The following ZNF431 variants were observed in gnomAD, a reference collection of about 807,000 sequenced individuals.
The protein encoded by ZNF431 is zinc finger protein 431.
Under a neutral mutation model 57.0 loss-of-function variants are expected in ZNF431, and 34 were observed. That is an observed-to-expected ratio of 0.60 (90% CI 0.45 to 0.79). The LOEUF is 0.79. ZNF431 is among the 30% of genes least tolerant of loss of function. The pLI, the probability that ZNF431 is intolerant of heterozygous loss-of-function variation, is 0.00. For synonymous variants in ZNF431, 207 were observed against 220.3 expected, an observed-to-expected ratio of 0.94 and a Z score of 0.54; for missense variants, 607 against 667.1, an observed-to-expected ratio of 0.91 and a Z score of 0.99.
intron 2 of ZNF431, among the ~76,000 whole-genome samples, chr19:21,145,740 G>A (rs574012200): frequency 1.6e-4 from 24 of 152,260 alleles, no homozygotes; most frequent in South Asian, 4.1e-4. Context: ...AAAAAATTCC[G>A]AAAGAGTATT....
rs1971596080 is a variant in ZNF431, at chr19:21,195,837, G to A, written c.*11803G>A. 1 of 152,146 alleles carries A rather than the reference G, an allele frequency of 6.6e-6. No individual in the cohort carries two copies. Among genetic ancestry groups the A allele is most frequent in the Admixed American group, 6.5e-5 (1 of 15,270 alleles). The allele number at this position is 152,146 out of a possible 1,614,324, so 9.4% of individuals were successfully genotyped here. A position where few individuals can be genotyped will look rare whatever the true frequency, so the allele number is the denominator to read the frequency against. On this transcript the variant is annotated 3_prime_UTR_variant, in exon 5 of 5. Transcript: ENST00000311048. Reference sequence around the variant, plus strand: ...TGTGTGATACATCTTTGGATAATCTGTAATTAAATTGATCTTTTGTAATGG... The same window carrying A: ...TGTGTGATACATCTTTGGATAATCTATAATTAAATTGATCTTTTGTAATGG...
rs550012306 is a variant in ZNF431, at chr19:21,171,712, ATTTTTTTTTTTT to A, written c.319+4062_319+4073del. Reference sequence around the variant, plus strand: ...TCTAATGATGAATATATATATATATATTTTTTTTTTTTTTTTTTTTTTTTTTTAGACAGAGTC... The same window carrying A: ...TCTAATGATGAATATATATATATATATTTTTTTTTTTTTTTAGACAGAGTC... On this transcript the variant is annotated intron_variant, in intron 4 of 4. Coordinates refer to ENST00000311048, the MANE Select transcript of ZNF431 (RefSeq NM_133473.4). Among the ~76,000 whole-genome samples, 3 of 90,908 alleles carry A rather than the reference ATTTTTTTTTTTT, an allele frequency of 3.3e-5. No homozygotes were observed. The South Asian group carries it at 1.0e-3, about 31-fold the overall frequency. The allele number at this position is 90,908 out of a possible 152,430, so 59.6% of individuals were successfully genotyped here. A position where few individuals can be genotyped will look rare whatever the true frequency, so the allele number is the denominator to read the frequency against.
intron 4 of ZNF431, among the ~76,000 whole-genome samples, chr19:21,173,123 T>G (rs1488629696): frequency 2.0e-5 from 3 of 152,242 alleles, no homozygotes; most frequent in Non-Finnish European, 4.4e-5. Flanking sequence ...TGAAAACATT[T>G]GATCTTTGAT....
rs993189286 is a variant in ZNF431 at position 21,183,384 on chromosome 19, AAACAT to A, written c.1084_1088del (p.His362AspfsTer12). On this transcript the variant is annotated frameshift_variant, in exon 5 of 5. Coordinates refer to ENST00000311048, the MANE Select transcript of ZNF431 (RefSeq NM_133473.4). LOFTEE classifies it high-confidence loss of function. The stretch of plus-strand genomic sequence containing the variant: ...TTTTAATCGATTCTCATACCTTACT[AAACAT>A]AAGATAATTCATACTGGAGAAAAAT... 1.9e-6 allele frequency: 3 copies of A among 1,613,520 alleles called. No homozygotes were observed. Among genetic ancestry groups the A allele is most frequent in the Non-Finnish European group, 2.5e-6 (3 of 1,179,754 alleles).
chr19:21,154,884 A>G lies in ZNF431; in HGVS notation c.96+11241A>G, dbSNP rs185756425. On this transcript the variant is annotated intron_variant, in intron 2 of 4. Coordinates refer to ENST00000311048, the MANE Select transcript of ZNF431 (RefSeq NM_133473.4). ...ATGGGGTTGTTTGTTTTTTTCTTAT[A>G]AATTTGTCTGAGTTCATTGCTGATT... Among the ~76,000 whole-genome samples, 3 of 152,092 alleles carry G rather than the reference A, an allele frequency of 2.0e-5. No homozygotes were observed. The East Asian group carries it at 5.8e-4, about 29-fold the overall frequency.
chr19:21,191,989 A>G lies in ZNF431; in HGVS notation c.*7955A>G, dbSNP rs1270103211. On this transcript the variant is annotated 3_prime_UTR_variant, in exon 5 of 5. Coordinates refer to ENST00000311048, the MANE Select transcript of ZNF431 (RefSeq NM_133473.4). ...ATGTCAGTTCATGAATAGTCCATTTATGTATTAATTTCTATTTAGAATGTA... is the reference window on the plus strand; with the variant it reads ...ATGTCAGTTCATGAATAGTCCATTTGTGTATTAATTTCTATTTAGAATGTA... 1 of 152,162 alleles carries G rather than the reference A, an allele frequency of 6.6e-6. No individual in the cohort carries two copies. The highest frequency in any genetic ancestry group is 2.1e-4 in the South Asian group (1 of 4,828). The allele number at this position is 152,162 out of a possible 1,614,324, so 9.4% of individuals were successfully genotyped here. A position where few individuals can be genotyped will look rare whatever the true frequency, so the allele number is the denominator to read the frequency against.
chr19:21,159,834 T>G (rs1970523622), intron 2 of ZNF431, among the ~76,000 whole-genome samples: 1 of 152,212 alleles, frequency 6.6e-6, no homozygotes, highest in Admixed American at 6.5e-5. Context: ...TATTACTAAT[T>G]CAATTTTGGA....
intron 2 of ZNF431, among the ~76,000 whole-genome samples, chr19:21,160,968 G>A (rs998653023): frequency 2.0e-5 from 3 of 152,122 alleles, no homozygotes; most frequent in Non-Finnish European, 4.4e-5. Flanking sequence ...AAAACATCAA[G>A]ACTATCCTGG....
intron 4 of ZNF431, among the ~76,000 whole-genome samples, chr19:21,175,176 G>A (rs1971016051): frequency 6.6e-6 from 1 of 152,102 alleles, no homozygotes; most frequent in African/African-American, 2.4e-5. Context: ...TCAGTTTCTT[G>A]AGTAACTGGG....
intron 2 of ZNF431, chr19:21,150,025 A>G: frequency 1.7e-6 from 1 of 592,434 alleles, no homozygotes; most frequent in Non-Finnish European, 3.2e-6. Flanking sequence ...TGACAGTGTT[A>G]ATTCCTGCTC....
intron 4 of ZNF431, among the ~76,000 whole-genome samples, chr19:21,177,815 G>T (rs1971101997): frequency 6.6e-6 from 1 of 151,858 alleles, no homozygotes; most frequent in South Asian, 2.1e-4. Flanking sequence ...ATCTTGGCTA[G>T]ATGGGGTCTT....
At chr19:21,173,591 C>T (rs975526533) in intron 4 of ZNF431, among the ~76,000 whole-genome samples, 5 of 152,212 alleles carry the variant, frequency 3.3e-5, no homozygotes, top group African/African-American at 4.8e-5. Flanking sequence ...GCAATTGGCA[C>T]GATGGCTCAC....
At position 21,192,982 on chromosome 19, in the gene ZNF431, C is replaced by T. The variant is rs1971536394; in HGVS notation, c.*8948C>T. On this transcript the variant is annotated 3_prime_UTR_variant, in exon 5 of 5. Coordinates refer to ENST00000311048, the MANE Select transcript of ZNF431 (RefSeq NM_133473.4). ...AAATTTGGAGAAAATAAATAAACTC[C>T]TGGAAACATACAACTTTCCAGGATT... is the stretch of plus-strand genomic sequence containing the variant. 2.6e-5 allele frequency: 4 copies of T among 152,088 alleles called. No homozygotes were observed. The highest frequency in any genetic ancestry group is 2.6e-4 in the Admixed American group (4 of 15,272). The allele number at this position is 152,088 out of a possible 1,614,324, so 9.4% of individuals were successfully genotyped here.
chr19:21,189,872 G>T lies in ZNF431; in HGVS notation c.*5838G>T, dbSNP rs1971469520. On this transcript the variant is annotated 3_prime_UTR_variant, in exon 5 of 5. Coordinates refer to ENST00000311048, the MANE Select transcript of ZNF431 (RefSeq NM_133473.4). ...TTTTGTTTTTTTTTTAAGGCCAGGA[G>T]TGGTGGCTCACACCTGTAATCCCAG... 1 of 397,918 alleles carries T rather than the reference G, an allele frequency of 2.5e-6. No homozygotes were observed. The highest frequency in any genetic ancestry group is 4.4e-6 in the Non-Finnish European group (1 of 226,050). The allele number at this position is 397,918 out of a possible 1,614,324, so 24.6% of individuals were successfully genotyped here.
chr19:21,179,663 A>G (rs1971159640), intron 4 of ZNF431, among the ~76,000 whole-genome samples: 1 of 151,130 alleles, frequency 6.6e-6, no homozygotes, highest in Admixed American at 6.6e-5. Flanking sequence ...AGGTTCAAGC[A>G]ATTCTCCTGC....
At chr19:21,146,176 G>A (rs1441464469) in intron 2 of ZNF431, among the ~76,000 whole-genome samples, 2 of 152,044 alleles carry the variant, frequency 1.3e-5, no homozygotes, top group African/African-American at 2.4e-5. Context: ...GTAAAAGGAA[G>A]TATTAAGAAA....
At chr19:21,178,987 A>C (rs960316170) in intron 4 of ZNF431, among the ~76,000 whole-genome samples, 9 of 152,184 alleles carry the variant, frequency 5.9e-5, no homozygotes, top group African/African-American at 2.2e-4. Context: ...ATTCAGCTAT[A>C]AATTTATCTG....
At chr19:21,150,293 CT>C in intron 2 of ZNF431, 4 of 468,820 alleles carry the variant, frequency 8.5e-6, no homozygotes, top group South Asian at 3.6e-5. Flanking sequence ...GGTGAGGTCC[CT>C]TTTGGGCTGG....
chr19:21,176,730 C>T (rs1036320655), intron 4 of ZNF431, among the ~76,000 whole-genome samples: 4 of 152,026 alleles, frequency 2.6e-5, no homozygotes, highest in African/African-American at 9.7e-5. Context: ...CAGAGTCCTG[C>T]TCTGTCACCC....
Sources: gnomAD v4.1 joint callset for allele counts (sites outside exome capture counted in the v4.1 genomes callset) on GRCh38, gnomAD v4.1.1 for gene constraint, MANE v1.5 for transcripts, NCBI Gene and HGNC (gene_info 2026-07-23, HGNC 2026-07-21) for gene names.